PAPPA2: variants seen among roughly 807,000 people sequenced by gnomAD.
PAPPA2 encodes pappalysin-2.
In PAPPA2, 86 loss-of-function variants were observed where a neutral mutation model predicts 176.4. That is an observed-to-expected ratio of 0.49 (90% CI 0.41 to 0.58). PAPPA2 has a LOEUF of 0.58. Ranked by LOEUF, PAPPA2 falls within the 20% of genes least tolerant of loss-of-function variation. The pLI is 0.00. For synonymous variants in PAPPA2, 809 were observed against 852.2 expected (o/e 0.95, Z 0.88); for missense variants, 2,073 against 2,256.9 (o/e 0.92, Z 1.65).
intron 2 of PAPPA2, among the ~76,000 whole-genome samples, chr1:176,585,937 TTATC>T (rs1375131029): frequency 1.2e-4 from 19 of 152,286 alleles, no homozygotes; most frequent in Admixed American, 7.2e-4. Flanking sequence ...CTTATATCTC[TTATC>T]TATCTCTTAT....
intron 2 of PAPPA2, among the ~76,000 whole-genome samples, chr1:176,562,055 C>T (rs537824551): frequency 1.8e-4 from 27 of 152,294 alleles, no homozygotes; most frequent in African/African-American, 6.3e-4. Flanking sequence ...CCAGGTCCCT[C>T]CTGCAACATG....
At chr1:176,544,059 A>T (rs1650498739) in intron 1 of PAPPA2, among the ~76,000 whole-genome samples, 1 of 152,188 alleles carries the variant, frequency 6.6e-6, no homozygotes, top group Non-Finnish European at 1.5e-5. Flanking sequence ...TTAGTGTTAG[A>T]TCAGAGGGCA....
chr1:176,469,113 G>A (rs887786482), intron 1 of PAPPA2, among the ~76,000 whole-genome samples: 2 of 152,164 alleles, frequency 1.3e-5, no homozygotes, highest in Admixed American at 6.5e-5. Context: ...GGCAGCCAAC[G>A]TGAAAGGAAG....
chr1:176,725,685 C>A (rs1661833523), intron 12 of PAPPA2, among the ~76,000 whole-genome samples: 1 of 151,364 alleles, frequency 6.6e-6, no homozygotes, highest in Admixed American at 6.7e-5. Context: ...CTTCCACACC[C>A]GGTTACACAC....
chr1:176,578,114 T>C (rs982330323), intron 2 of PAPPA2, among the ~76,000 whole-genome samples: 2 of 152,288 alleles, frequency 1.3e-5, no homozygotes, highest in African/African-American at 4.8e-5. Flanking sequence ...GCCTGGACCT[T>C]ATCTTCATCT....
chr1:176,690,309 C>T lies in PAPPA2; in HGVS notation c.2310C>T (p.Leu770=). The T allele has an allele frequency of 1.2e-6, 2 of 1,614,136 alleles. No individual in the cohort carries two copies. Among genetic ancestry groups the T allele is most frequent in the Middle Eastern group, 1.7e-4 (1 of 6,060 alleles). The change falls in exon 5 of 23, where the codon CTC becomes CTT. Residue 770 remains leucine, a synonymous_variant. Transcript: ENST00000367662. ...TGCCATCCATGGAAACGGGAGACCT[C>T]TGTGCCGACACCGCCCCCACTCCCA... ...ETVPSMETGD[L]CADTAPTPKS...
At chr1:176,571,924 G>A (rs1357146395) in intron 2 of PAPPA2, among the ~76,000 whole-genome samples, 1 of 152,192 alleles carries the variant, frequency 6.6e-6, no homozygotes, top group African/African-American at 2.4e-5. Flanking sequence ...GTATGGGATA[G>A]TGAGAAGTGG....
intron 1 of PAPPA2, among the ~76,000 whole-genome samples, chr1:176,522,172 A>C (rs1472932507): frequency 4.6e-5 from 7 of 152,168 alleles, no homozygotes; most frequent in Non-Finnish European, 8.8e-5. Flanking sequence ...TATTTTTACA[A>C]TTTCTACTCA....
At chr1:176,706,737 C>T (rs553493748) in intron 10 of PAPPA2, among the ~76,000 whole-genome samples, 7 of 152,248 alleles carry the variant, frequency 4.6e-5, no homozygotes, top group Non-Finnish European at 1.0e-4. Context: ...CTAGAATCTG[C>T]GTGGTAAACC....
chr1:176,505,808 G>A (rs1301330916), intron 1 of PAPPA2, among the ~76,000 whole-genome samples: 1 of 151,906 alleles, frequency 6.6e-6, no homozygotes, highest in Non-Finnish European at 1.5e-5. Context: ...AGTTGCACAG[G>A]AAATGAGGTT....
chr1:176,624,169 T>C (rs1455506280), intron 3 of PAPPA2, among the ~76,000 whole-genome samples: 2 of 152,164 alleles, frequency 1.3e-5, no homozygotes, highest in Non-Finnish European at 2.9e-5. Flanking sequence ...TTTTGTTTGA[T>C]TCAATGTAAA....
chr1:176,741,397 C>T (rs1662672033), intron 14 of PAPPA2, among the ~76,000 whole-genome samples: 1 of 152,140 alleles, frequency 6.6e-6, no homozygotes, highest in South Asian at 2.1e-4. Flanking sequence ...GCCAAGCAGG[C>T]CTCTCCGCAG....
intron 21 of PAPPA2, 141 bp downstream of exon 21, chr1:176,800,273 C>A: frequency 1.3e-6 from 1 of 767,720 alleles, no homozygotes; most frequent in East Asian, 2.9e-5. Context: ...TAAGTTGGTT[C>A]CACGATCTTA....
Position 176,695,746 on chromosome 1 carries a change from G to A in PAPPA2, c.2633G>A (p.Gly878Asp). 6.2e-7 allele frequency: 1 copy of A among 1,613,940 alleles called. No individual in the cohort carries two copies. Among genetic ancestry groups the A allele is most frequent in the Non-Finnish European group, 8.5e-7 (1 of 1,179,944 alleles). Residue 878 changes from glycine (G) to aspartate (D), a missense_variant, in exon 7 of 23, where the codon GGC (glycine) becomes GAC (aspartate). Around this residue, in one of 4 missense-constraint regions of PAPPA2, gnomAD observed 1,196 missense variants for 1,330.4 expected, o/e 0.90. Transcript: ENST00000367662. ...ISGVVYDRAS[G>D]SLCGACTEDG... is the part of the protein sequence containing the mutation. Reference sequence around the variant, plus strand: ...TCCCTTTATCTCCCCAGGGCCTCAGGCAGCTTGTGTGGCGCTTGCACTGAA... The same window carrying A: ...TCCCTTTATCTCCCCAGGGCCTCAGACAGCTTGTGTGGCGCTTGCACTGAA...
At chr1:176,690,815 A>G (rs1660086221) in intron 5 of PAPPA2, 1 of 1,013,666 alleles carries the variant, frequency 9.9e-7, no homozygotes, top group Non-Finnish European at 1.2e-6. Context: ...AAAGGAAAAG[A>G]GTTTATGGGT....
At chr1:176,691,542 G>A (rs1453001289) in intron 5 of PAPPA2, among the ~76,000 whole-genome samples, 1 of 152,226 alleles carries the variant, frequency 6.6e-6, no homozygotes, top group Non-Finnish European at 1.5e-5. Context: ...GAGTGAGGCA[G>A]TATTTGACTG....
intron 3 of PAPPA2, among the ~76,000 whole-genome samples, chr1:176,626,514 C>G (rs571364568): frequency 6.6e-5 from 10 of 152,174 alleles, no homozygotes; most frequent in African/African-American, 1.7e-4. Flanking sequence ...CCATGCTCCT[C>G]TCTCAGAAAA....
chr1:176,777,731 G>A (rs954018359), intron 17 of PAPPA2, among the ~76,000 whole-genome samples: 11 of 152,036 alleles, frequency 7.2e-5, no homozygotes, highest in African/African-American at 2.4e-4. Context: ...ACAGGTTTTT[G>A]TAAGGAATAA....
Position 176,483,470 on chromosome 1 carries a change from T to G in PAPPA2, c.-917+20052T>G, listed in dbSNP as rs1652502228. Among the ~76,000 whole-genome samples the G allele has an allele frequency of 5.4e-5, 7 of 129,072 alleles. No homozygotes were observed. In the South Asian group the frequency reaches 1.9e-3, roughly 35 times the overall value. 84.7% of individuals were successfully genotyped at this position (129,072 alleles called of 152,430 possible). A position where few individuals can be genotyped will look rare whatever the true frequency, so the allele number is the denominator to read the frequency against. ...GTGAAACTCAGACATCTTTTTTTTT[T>G]TTTTTTTTTTTTTTTTTTGAGATGA... On this transcript the variant is annotated intron_variant, in intron 1 of 22. Transcript: ENST00000367662.
Sources: allele counts gnomAD v4.1 joint callset (sites outside exome capture counted in the v4.1 genomes callset), GRCh38; gene constraint gnomAD v4.1.1; regional missense constraint gnomAD v4.1.1; transcripts MANE v1.5; gene names NCBI Gene and HGNC (gene_info 2026-07-23, HGNC 2026-07-21).